BCAT1: variants seen among roughly 807,000 people sequenced by gnomAD.
BCAT1 encodes the protein branched-chain-amino-acid aminotransferase, cytosolic.
A neutral mutation model predicts 52.4 loss-of-function variants in BCAT1; 48 were observed. The observed-to-expected ratio is 0.92, with a 90% CI of 0.73 to 1.16. The LOEUF (loss-of-function observed/expected upper bound fraction) is 1.16. BCAT1 is among the 50% of genes most tolerant of loss of function. BCAT1 has a pLI of 0.00. For missense variants in BCAT1, 451 were observed against 457.1 expected, an observed-to-expected ratio of 0.99 and a Z score of 0.12; for synonymous variants, 167 against 161.3, an observed-to-expected ratio of 1.04 and a Z score of -0.27.
intron 5 of BCAT1, among the ~76,000 whole-genome samples, chr12:24,863,852 G>T (rs1020875689): frequency 8.6e-5 from 13 of 152,044 alleles, no homozygotes; most frequent in African/African-American, 2.4e-4. Context: ...GATTACTTGA[G>T]CCCAGCAGGT....
intron 1 of BCAT1, among the ~76,000 whole-genome samples, chr12:24,939,913 G>T (rs1943822793): frequency 6.6e-6 from 1 of 152,100 alleles, no homozygotes; most frequent in Non-Finnish European, 1.5e-5. Flanking sequence ...AATGACTCTG[G>T]TGTCAAGCTA....
At chr12:24,881,591 G>A (rs534060234) in intron 3 of BCAT1, among the ~76,000 whole-genome samples, 180 bp from the exon 4 acceptor site, 2 of 152,304 alleles carry the variant, frequency 1.3e-5, no homozygotes, top group East Asian at 3.9e-4. Flanking sequence ...AAAAACAATG[G>A]TTGAGGTGGA....
chr12:24,874,527 A>T (rs1475155440), intron 5 of BCAT1, among the ~76,000 whole-genome samples: 1 of 152,266 alleles, frequency 6.6e-6, no homozygotes, highest in Non-Finnish European at 1.5e-5. Flanking sequence ...CAACACTGCC[A>T]TTAGGATGAA....
chr12:24,877,570 A>G (rs1942382004), intron 5 of BCAT1, among the ~76,000 whole-genome samples: 1 of 152,014 alleles, frequency 6.6e-6, no homozygotes, highest in South Asian at 2.1e-4. Context: ...TCCTTCCTTA[A>G]CTCCCACTGT....
chr12:24,909,959 C>G (rs1943289983), intron 1 of BCAT1, among the ~76,000 whole-genome samples: 1 of 152,146 alleles, frequency 6.6e-6, no homozygotes, highest in African/African-American at 2.4e-5. Context: ...ACATCCAGCC[C>G]AGTCAAGCCT....
At chr12:24,905,865 G>T in intron 1 of BCAT1, among the ~76,000 whole-genome samples, 1 of 150,868 alleles carries the variant, frequency 6.6e-6, no homozygotes, top group Non-Finnish European at 1.5e-5. Flanking sequence ...GAGAGGAATG[G>T]ATTTTGAAGA....
At chr12:24,912,741 G>A (rs1943349826) in intron 1 of BCAT1, among the ~76,000 whole-genome samples, 1 of 151,108 alleles carries the variant, frequency 6.6e-6, no homozygotes. Flanking sequence ...TATTTGGGAA[G>A]ACAGTAATCT....
At chr12:24,899,880 T>C (rs1943051562) in intron 2 of BCAT1, among the ~76,000 whole-genome samples, 2 of 150,986 alleles carry the variant, frequency 1.3e-5, no homozygotes, top group South Asian at 4.2e-4. Flanking sequence ...ACTCATAGAA[T>C]GATAGATATC....
chr12:24,870,728 C>T (rs1384302611), intron 5 of BCAT1, among the ~76,000 whole-genome samples: 3 of 152,180 alleles, frequency 2.0e-5, no homozygotes, highest in Non-Finnish European at 2.9e-5. Flanking sequence ...TAAGCACCTG[C>T]TCACAAGATT....
At chr12:24,882,638 A>C (rs1942536400) in intron 3 of BCAT1, among the ~76,000 whole-genome samples, 1 of 150,934 alleles carries the variant, frequency 6.6e-6, no homozygotes, top group African/African-American at 2.4e-5. Context: ...TCTGTCACCC[A>C]GGCTGAATGA....
chr12:24,848,518 A>C (rs902673704), intron 6 of BCAT1, among the ~76,000 whole-genome samples: 1 of 152,194 alleles, frequency 6.6e-6, no homozygotes, highest in Non-Finnish European at 1.5e-5. Flanking sequence ...CTGTGTCCCC[A>C]GGTTATCTTT....
At chr12:24,859,461 A>C (rs1941788226) in intron 5 of BCAT1, among the ~76,000 whole-genome samples, 1 of 151,936 alleles carries the variant, frequency 6.6e-6, no homozygotes, top group Non-Finnish European at 1.5e-5. Context: ...TCTACTAAAA[A>C]CACAAAAAAA....
At chr12:24,877,818 G>A (rs181439310) in intron 5 of BCAT1, among the ~76,000 whole-genome samples, 201 of 152,274 alleles carry the variant, frequency 1.3e-3, no homozygotes, top group African/African-American at 4.5e-3. Flanking sequence ...ACTCATTTAT[G>A]TGCTGTCTAT....
rs547540189 is a variant in BCAT1 at position 24,891,301 on chromosome 12, G to C, written c.279+2974C>G. 2.6e-5 allele frequency among the ~76,000 whole-genome samples: 4 copies of C among 152,032 alleles called. No individual in the cohort carries two copies. The South Asian group carries it at 8.3e-4, about 32-fold the overall frequency. ...CAGATGGCAATGAAAGTGACCTCTGGTCATCCTCACTGTTCATTATACACA... is the reference window on the plus strand; with the variant it reads ...CAGATGGCAATGAAAGTGACCTCTGCTCATCCTCACTGTTCATTATACACA... On this transcript the variant is annotated intron_variant, in intron 3 of 10. Coordinates refer to ENST00000261192, the MANE Select transcript of BCAT1 (RefSeq NM_005504.7).
At chr12:24,880,887 G>T (rs1193017247) in intron 4 of BCAT1, among the ~76,000 whole-genome samples, 3 of 151,072 alleles carry the variant, frequency 2.0e-5, no homozygotes, top group African/African-American at 7.3e-5. Flanking sequence ...TTAGGCTGGA[G>T]GGCAGTGATG....
At chr12:24,833,503 A>G (rs965551006) in intron 8 of BCAT1, among the ~76,000 whole-genome samples, 3 of 152,168 alleles carry the variant, frequency 2.0e-5, no homozygotes, top group Non-Finnish European at 4.4e-5. Context: ...TGGGTGACGG[A>G]GTGAGACTCT....
intron 6 of BCAT1, among the ~76,000 whole-genome samples, chr12:24,848,309 T>C (rs1802275327): frequency 6.6e-6 from 1 of 152,210 alleles, no homozygotes; most frequent in South Asian, 2.1e-4. Flanking sequence ...TCTCAGTTTT[T>C]CTTCTTATTA....
chr12:24,933,847 G>A (rs983814901), intron 1 of BCAT1, among the ~76,000 whole-genome samples: 3 of 152,218 alleles, frequency 2.0e-5, no homozygotes, highest in South Asian at 2.1e-4. Context: ...CAGGCTTGAG[G>A]AGGTGGTGTC....
At chr12:24,905,061 C>A (rs1490982362) in intron 1 of BCAT1, among the ~76,000 whole-genome samples, 2 of 152,064 alleles carry the variant, frequency 1.3e-5, no homozygotes, top group East Asian at 3.8e-4. Context: ...AGTTCCAGGA[C>A]AAAAGAACTT....
Sources: allele counts gnomAD v4.1 joint callset (sites outside exome capture counted in the v4.1 genomes callset), GRCh38; gene constraint gnomAD v4.1.1; transcripts MANE v1.5; gene names NCBI Gene and HGNC (gene_info 2026-07-23, HGNC 2026-07-21).